SLC2A7: variants seen among roughly 807,000 people sequenced by gnomAD.
SLC2A7 encodes solute carrier family 2 member 7.
A neutral mutation model predicts 50.5 loss-of-function variants in SLC2A7; 50 were observed. The observed-to-expected ratio is 0.99, with a 90% confidence interval of 0.79 to 1.25. SLC2A7 has a LOEUF of 1.25. SLC2A7 is among the 50% of genes most tolerant of loss of function. The pLI is 0.00. For missense variants in SLC2A7, 683 were observed against 679.1 expected (o/e 1.01, Z -0.06); for synonymous variants, 308 against 300.4 (o/e 1.03, Z -0.26).
At chr1:9,007,746 T>G (rs1302180873) in intron 9 of SLC2A7, among the ~76,000 whole-genome samples, 1 of 151,754 alleles carries the variant, frequency 6.6e-6, no homozygotes, top group African/African-American at 2.4e-5. Flanking sequence ...TCTTTCTTTT[T>G]TTTTTTTTTT....
Position 9,025,052 on chromosome 1 carries a change from A to T in SLC2A7, c.74T>A (p.Leu25Gln). 1 of 1,613,678 alleles carries T rather than the reference A, an allele frequency of 6.2e-7. No individual in the cohort carries two copies. Among genetic ancestry groups the T allele is most frequent in the Non-Finnish European group, 8.5e-7 (1 of 1,179,986 alleles). ...REGRLQPTLL[L>Q]ATLSAAFGSA... is the part of the protein sequence containing the mutation. ...GCCAAAGGCCGCGCTCAGTGTCGCC[A>T]GCAACAGCGTCGGCTGGAGCCGCTG... Residue 25 changes from leucine to glutamine, a missense_variant, in exon 2 of 12, where the codon CTG becomes CAG. By Grantham distance (113) the Leu-to-Gln change is moderately radical. Coordinates refer to ENST00000400906, the MANE Select transcript of SLC2A7 (RefSeq NM_207420.3).
intron 3 of SLC2A7, among the ~76,000 whole-genome samples, chr1:9,020,550 G>T (rs1288487781): frequency 7.0e-6 from 1 of 143,000 alleles, no homozygotes; most frequent in African/African-American, 2.6e-5. Flanking sequence ...TGGCTCCTGT[G>T]CCCCCCCCCA....
chr1:8,993,213 CTCATGAGACGTATTCACTA>C, the SLC2A7 span, among the ~76,000 whole-genome samples: 2 of 152,344 alleles, frequency 1.3e-5, no homozygotes, highest in Middle Eastern at 3.4e-3. Flanking sequence ...ACCATCAGGT[CTCATGAGACGTATTCACTA>C]TTATGAGACT....
At chr1:9,018,562 C>T (rs1422214950) in intron 4 of SLC2A7, among the ~76,000 whole-genome samples, 187 bp from the exon 5 acceptor site, 4 of 152,234 alleles carry the variant, frequency 2.6e-5, no homozygotes, top group African/African-American at 7.2e-5. Flanking sequence ...CCTCAGCCCC[C>T]ACGGGGGAGT....
the SLC2A7 span, among the ~76,000 whole-genome samples, chr1:8,996,390 T>A: frequency 6.6e-6 from 1 of 152,254 alleles, no homozygotes; most frequent in Non-Finnish European, 1.5e-5. Context: ...AATTCTACTG[T>A]GTGGCTAGGC....
intron 5 of SLC2A7, among the ~76,000 whole-genome samples, chr1:9,015,524 G>A (rs1252265770): frequency 1.3e-5 from 2 of 152,140 alleles, no homozygotes; most frequent in African/African-American, 4.8e-5. Flanking sequence ...GCTCAGTCTT[G>A]TTCCTACTTT....
chr1:9,024,933 G>A (rs772614811), intron 2 of SLC2A7, 43 bp downstream of exon 2: 1 of 1,593,798 alleles, frequency 6.3e-7, no homozygotes, highest in Non-Finnish European at 8.6e-7. Context: ...CACGACCCCG[G>A]TCAGCTGCTG....
At chr1:9,018,521 G>A in intron 4 of SLC2A7, 146 bp from the exon 5 acceptor site, 1 of 1,193,584 alleles carries the variant, frequency 8.4e-7, no homozygotes, top group Non-Finnish European at 1.2e-6. Flanking sequence ...CGACTGTTTA[G>A]TTTGGACTTA....
chr1:9,011,333 C>G (rs552657212), intron 8 of SLC2A7, among the ~76,000 whole-genome samples: 1 of 152,258 alleles, frequency 6.6e-6, no homozygotes, highest in South Asian at 2.1e-4. Context: ...CTCACCATAC[C>G]TGAATAAGAA....
rs113298426 is a variant in SLC2A7 at position 9,003,102 on chromosome 1, C to G, written c.*198G>C. Among the ~76,000 whole-genome samples, 3 of 152,238 alleles carry G rather than the reference C, an allele frequency of 2.0e-5. No homozygotes were observed. Among genetic ancestry groups the G allele is most frequent in the Non-Finnish European group, 4.4e-5 (3 of 68,040 alleles). On this transcript the variant is annotated 3_prime_UTR_variant, in exon 12 of 12. Coordinates refer to ENST00000400906, the MANE Select transcript of SLC2A7 (RefSeq NM_207420.3). ...CACGTGCCGGCCCCTTCCTCCAGGTCATTCCTCAATGGCTAGCCTTGGAAC... is the reference window on the plus strand; with the variant it reads ...CACGTGCCGGCCCCTTCCTCCAGGTGATTCCTCAATGGCTAGCCTTGGAAC...
chr1:9,026,239 G>T, intron 1 of SLC2A7, 56 bp downstream of exon 1: 1 of 1,567,002 alleles, frequency 6.4e-7, no homozygotes, highest in Non-Finnish European at 8.7e-7. Context: ...TCCCTCCACA[G>T]GTCTGCACAG....
At chr1:9,010,489 C>T (rs1640731552) in intron 8 of SLC2A7, among the ~76,000 whole-genome samples, 1 of 152,224 alleles carries the variant, frequency 6.6e-6, no homozygotes, top group African/African-American at 2.4e-5. Context: ...TCCCAAGTAG[C>T]TGGGATTACA....
chr1:9,001,019 G>A (rs75342535), downstream of SLC2A7, among the ~76,000 whole-genome samples: 427 of 152,128 alleles, frequency 2.8e-3, 2 homozygotes, highest in African/African-American at 9.1e-3. Flanking sequence ...CAGGAACCAG[G>A]AGTCACAATA....
intron 3 of SLC2A7, among the ~76,000 whole-genome samples, chr1:9,022,118 T>C (rs1292939804): frequency 6.6e-6 from 1 of 151,916 alleles, no homozygotes; most frequent in Non-Finnish European, 1.5e-5. Flanking sequence ...ATCAGCGCTA[T>C]TTTTTTCTAT....
downstream of SLC2A7, among the ~76,000 whole-genome samples, chr1:9,001,487 T>C (rs372613776): frequency 3.4e-4 from 52 of 150,876 alleles, no homozygotes; most frequent in African/African-American, 1.2e-3. Flanking sequence ...AGTGGCATTA[T>C]GGCTCATTGC....
chr1:9,010,625 T>C (rs1283687541), intron 8 of SLC2A7, among the ~76,000 whole-genome samples: 1 of 152,194 alleles, frequency 6.6e-6, no homozygotes, highest in Non-Finnish European at 1.5e-5. Flanking sequence ...CCCAAAGTGC[T>C]GGGATTACAG....
intron 5 of SLC2A7, among the ~76,000 whole-genome samples, chr1:9,015,672 G>A (rs758613654): frequency 2.6e-5 from 4 of 151,978 alleles, no homozygotes; most frequent in Non-Finnish European, 4.4e-5. Context: ...AAGAGAACAG[G>A]GTCTCCGTCT....
intron 3 of SLC2A7, among the ~76,000 whole-genome samples, chr1:9,019,926 AAAAAAG>A (rs769415570): frequency 6.6e-6 from 1 of 152,170 alleles, no homozygotes; most frequent in Non-Finnish European, 1.5e-5. Flanking sequence ...TCCAACTCAA[AAAAAAG>A]AAAAAGAAAA....
At position 9,010,224 on chromosome 1, in the gene SLC2A7, C is replaced by G; in HGVS notation, c.1035G>C (p.Leu345=). Residue 345 remains leucine, a synonymous_variant, in exon 9 of 12, where the codon CTG becomes CTC. Coordinates refer to ENST00000400906, the MANE Select transcript of SLC2A7 (RefSeq NM_207420.3). The part of the protein sequence containing the change: ...TITSAVLVER[L]GRRHLLLAGY... ...CGGCCAGCAGGAGGTGCCGCCGTCC[C>G]AGCCGCTCCACAAGGACAGCCTGGA... The G allele has an allele frequency of 6.4e-7, 1 of 1,551,252 alleles. No individual in the cohort carries two copies. The highest frequency in any genetic ancestry group is 1.2e-5 in the South Asian group (1 of 84,036).
Sources: gnomAD v4.1 joint callset for allele counts (sites outside exome capture counted in the v4.1 genomes callset) on GRCh38, gnomAD v4.1.1 for gene constraint, MANE v1.5 for transcripts, NCBI Gene and HGNC (gene_info 2026-07-23, HGNC 2026-07-21) for gene names.